C5orf34: variants seen among roughly 807,000 people sequenced by gnomAD.
C5orf34 encodes the protein chromosome 5 open reading frame 34, also known as uncharacterized protein C5orf34.
In C5orf34, 73 loss-of-function variants were observed where a neutral mutation model predicts 78.4. The ratio of observed to expected loss-of-function variants is 0.93; its 90% confidence interval spans 0.77 to 1.13. The LOEUF is 1.13. C5orf34 is among the 50% of genes most tolerant of loss of function. The pLI, the probability that C5orf34 is intolerant of heterozygous loss-of-function variation, is 0.00. For missense variants in C5orf34, 730 were observed against 732.7 expected, an observed-to-expected ratio of 1.00 and a Z score of 0.04; for synonymous variants, 251 against 246.6, an observed-to-expected ratio of 1.02 and a Z score of -0.17.
chr5:43,504,534 A>G (rs1048901692), intron 4 of C5orf34, among the ~76,000 whole-genome samples: 2 of 152,160 alleles, frequency 1.3e-5, no homozygotes, highest in Non-Finnish European at 2.9e-5. Flanking sequence ...TTAAGCTGAA[A>G]CCTGGAAATG....
In C5orf34 at chr5:43,506,238, A is replaced by G. The variant is rs778763089; in HGVS notation, c.442T>C (p.Leu148=). The change falls in exon 4 of 13, where the codon TTG becomes CTG. Residue 148 remains leucine (L), a synonymous_variant. Transcript: ENST00000306862. ...RSQHEFTVHF[L]CKVSQKSDSS... The stretch of plus-strand genomic sequence containing the variant: ...TCTGACTTCTGGCTAACTTTACACA[A>G]AAAATGTACTGTAAATTCATGCTGA... 6 of 1,614,200 alleles carry G rather than the reference A, an allele frequency of 3.7e-6. No individual in the cohort carries two copies. In the South Asian group the frequency reaches 6.6e-5, roughly 18 times the overall value.
Position 43,515,101 on chromosome 5 carries a change from C to G in C5orf34, c.-332G>C, listed in dbSNP as rs1746432988. Reference sequence around the variant, plus strand: ...AAGAGAAAGCGCAAACCGCACAAGACCAGTTCAAAACCAGCGCCCTCAGGG... The same window carrying G: ...AAGAGAAAGCGCAAACCGCACAAGAGCAGTTCAAAACCAGCGCCCTCAGGG... On this transcript the variant is annotated 5_prime_UTR_variant, in exon 1 of 13. Transcript: ENST00000306862. The G allele has an allele frequency of 6.6e-6, 1 of 152,230 alleles. No individual in the cohort carries two copies. The highest frequency in any genetic ancestry group is 2.1e-4 in the South Asian group (1 of 4,830). The allele number at this position is 152,230 out of a possible 1,614,324, so 9.4% of individuals were successfully genotyped here. A position where few individuals can be genotyped will look rare whatever the true frequency, so the allele number is the denominator to read the frequency against.
At chr5:43,495,183 G>A (rs989501604) in intron 6 of C5orf34, 14 of 1,610,900 alleles carry the variant, frequency 8.7e-6, no homozygotes, top group African/African-American at 6.7e-5. Context: ...CTCATATCAC[G>A]AACAGCAAAA....
chr5:43,507,059 G>A (rs1746012566), intron 3 of C5orf34, among the ~76,000 whole-genome samples: 2 of 152,140 alleles, frequency 1.3e-5, no homozygotes, highest in Admixed American at 6.5e-5. Context: ...AAGGTAACAT[G>A]TAAAAAGTAC....
At chr5:43,493,490 T>C (rs7732089) in intron 8 of C5orf34, 53 bp downstream of exon 8, 1,099,309 of 1,100,522 alleles carry the variant, frequency 1, 549,065 homozygotes, top group East Asian at 1. Context: ...AGTATGGATA[T>C]AAACAATAAA....
chr5:43,509,428 CT>C, intron 1 of C5orf34, 53 bp from the exon 2 acceptor site: 1 of 1,082,006 alleles, frequency 9.2e-7, no homozygotes, highest in Non-Finnish European at 1.3e-6. Context: ...ATGTACAAAA[CT>C]TTTATCAAAA....
At chr5:43,492,624 A>G in intron 9 of C5orf34, 96 bp downstream of exon 9, 1 of 1,099,288 alleles carries the variant, frequency 9.1e-7, no homozygotes, top group Non-Finnish European at 1.3e-6. Flanking sequence ...TTTATACTTC[A>G]AAAAATGAAC....
intron 6 of C5orf34, among the ~76,000 whole-genome samples, chr5:43,500,047 C>G (rs1181084607): frequency 6.6e-6 from 1 of 152,132 alleles, no homozygotes; most frequent in Non-Finnish European, 1.5e-5. Flanking sequence ...TTTAAGAAAG[C>G]CAAACCAATT....
intron 1 of C5orf34, among the ~76,000 whole-genome samples, chr5:43,513,637 T>C (rs1326859947): frequency 1.3e-5 from 2 of 152,246 alleles, no homozygotes; most frequent in Admixed American, 1.3e-4. Flanking sequence ...GCACTTTAGA[T>C]ACATTGGCAT....
intron 4 of C5orf34, among the ~76,000 whole-genome samples, chr5:43,504,998 A>AT (rs1267127267): frequency 1.3e-5 from 2 of 152,192 alleles, no homozygotes; most frequent in Non-Finnish European, 2.9e-5. Flanking sequence ...GTTATTTAAC[A>AT]TTTCTATGTC....
chr5:43,500,886 A>C (rs1745730083), intron 6 of C5orf34, among the ~76,000 whole-genome samples: 1 of 152,130 alleles, frequency 6.6e-6, no homozygotes, highest in African/African-American at 2.4e-5. Context: ...ATTCATCTGA[A>C]ATTTATTTTG....
At chr5:43,504,468 G>C (rs1745896435) in intron 4 of C5orf34, among the ~76,000 whole-genome samples, 1 of 152,188 alleles carries the variant, frequency 6.6e-6, no homozygotes, top group African/African-American at 2.4e-5. Context: ...CTATGGAATT[G>C]TATAGGACTT....
At chr5:43,494,688 C>T in intron 6 of C5orf34, 87 bp from the exon 7 acceptor site, 2 of 651,912 alleles carry the variant, frequency 3.1e-6, no homozygotes, top group Non-Finnish European at 5.3e-6. Context: ...TATGTTTTTA[C>T]AATAGTGACA....
intron 4 of C5orf34, among the ~76,000 whole-genome samples, chr5:43,504,983 C>T (rs1257953155): frequency 1.3e-5 from 2 of 152,244 alleles, no homozygotes; most frequent in Non-Finnish European, 1.5e-5. Context: ...TGTACCTTTC[C>T]TCAAGTTATT....
chr5:43,489,006 A>C (rs1196817112), intron 11 of C5orf34, among the ~76,000 whole-genome samples: 1 of 152,120 alleles, frequency 6.6e-6, no homozygotes, highest in South Asian at 2.1e-4. Flanking sequence ...ATGGAGAATG[A>C]AAAGAAATAT....
Position 43,506,166 on chromosome 5 carries a change from T to C in C5orf34, c.514A>G (p.Lys172Glu). The C allele has an allele frequency of 6.2e-7, 1 of 1,614,220 alleles. No homozygotes were observed. Among genetic ancestry groups the C allele is most frequent in the Non-Finnish European group, 8.5e-7 (1 of 1,180,034 alleles). ...SETNNKAPKD[K>E]LVEKTGKICI... Reference sequence around the variant, plus strand: ...ATTTTGCCAGTTTTTTCAACTAGTTTATCTTTTGGGGCTTTATTATTTGTT... The same window carrying C: ...ATTTTGCCAGTTTTTTCAACTAGTTCATCTTTTGGGGCTTTATTATTTGTT... The change falls in exon 4 of 13, where the codon AAA (lysine) becomes GAA (glutamate). Residue 172 changes from lysine (K) to glutamate (E), a missense_variant. By Grantham distance (56) the Lys-to-Glu change is moderately conservative. Transcript: ENST00000306862.
At chr5:43,502,790 C>T (rs992340332) in intron 5 of C5orf34, among the ~76,000 whole-genome samples, 7 of 152,194 alleles carry the variant, frequency 4.6e-5, no homozygotes, top group African/African-American at 1.7e-4. Flanking sequence ...AATCACAAGG[C>T]TGGCATATAA....
At position 43,495,019 on chromosome 5, in the gene C5orf34, G is replaced by C. The variant is rs1579860231; in HGVS notation, c.1153-418C>G. ...GGCCAATTGAAACAAACAGTTCTGA[G>C]ACCATTCTTCCACCACTGATTAAGA... On this transcript the variant is annotated intron_variant, in intron 6 of 12. Coordinates refer to ENST00000306862, the MANE Select transcript of C5orf34 (RefSeq NM_198566.4). 5 of 1,354,532 alleles carry C rather than the reference G, an allele frequency of 3.7e-6. No homozygotes were observed. In the Admixed American group the frequency reaches 8.5e-5, roughly 23 times the overall value. The allele number at this position is 1,354,532 out of a possible 1,614,324, so 83.9% of individuals were successfully genotyped here. A position where few individuals can be genotyped will look rare whatever the true frequency, so the allele number is the denominator to read the frequency against.
chr5:43,510,857 C>T (rs897400381), intron 1 of C5orf34, among the ~76,000 whole-genome samples: 3 of 152,070 alleles, frequency 2.0e-5, no homozygotes, highest in East Asian at 3.9e-4. Flanking sequence ...TCTGCCCGGA[C>T]GCCACCCCAT....
Sources: gnomAD v4.1 joint callset for allele counts (sites outside exome capture counted in the v4.1 genomes callset) on GRCh38, gnomAD v4.1.1 for gene constraint, MANE v1.5 for transcripts, NCBI Gene and HGNC (gene_info 2026-07-23, HGNC 2026-07-21) for gene names.